Variants in YY1 observed in about 807,000 individuals in gnomAD.
YY1 encodes transcriptional repressor protein YY1.
YY1 carries 2 observed loss-of-function variants against 35.6 expected under a neutral mutation model. The ratio of observed to expected loss-of-function variants is 0.06; its 90% CI spans 0.02 to 0.18. The LOEUF is 0.18. Among genes scored for constraint, YY1 ranks in the 10% least tolerant of loss-of-function variants. The pLI, the probability that YY1 is intolerant of heterozygous loss-of-function variation, is 1.00. For synonymous variants in YY1, 268 were observed against 238.9 expected, an observed-to-expected ratio of 1.12 and a Z score of -1.12; for missense variants, 322 against 573.4, an observed-to-expected ratio of 0.56 and a Z score of 4.48.
At chr14:100,258,634 T>C (rs1891037294) in intron 1 of YY1, among the ~76,000 whole-genome samples, 2 of 152,190 alleles carry the variant, frequency 1.3e-5, no homozygotes, top group African/African-American at 4.8e-5. Flanking sequence ...ATTACAGGCG[T>C]GAGCCACCAC....
At chr14:100,248,685 T>G (rs898474469) in intron 1 of YY1, among the ~76,000 whole-genome samples, 1 of 148,240 alleles carries the variant, frequency 6.7e-6, no homozygotes, top group Non-Finnish European at 1.5e-5. Context: ...AATTCTTTTT[T>G]TTTTTTTTTT....
Position 100,277,616 on chromosome 14 carries a change from C to T in YY1, c.*16C>T. 6.2e-7 allele frequency: 1 copy of T among 1,613,082 alleles called. No homozygotes were observed. Among genetic ancestry groups the T allele is most frequent in the South Asian group, 1.1e-5 (1 of 91,034 alleles). On this transcript the variant is annotated 3_prime_UTR_variant, in exon 5 of 5. Transcript: ENST00000262238. The surrounding 1 kb of genome is among the most constrained non-coding windows in gnomAD (Gnocchi z 5.6). Reference sequence around the variant, plus strand: ...CAACCAGTGAAAAGAAGAGAGAAGACCCTTCTCGACCACGGGAAGCATCTT... The same window carrying T: ...CAACCAGTGAAAAGAAGAGAGAAGATCCTTCTCGACCACGGGAAGCATCTT...
intron 1 of YY1, among the ~76,000 whole-genome samples, chr14:100,258,206 C>T (rs367800222): frequency 9.9e-5 from 15 of 151,984 alleles, no homozygotes; most frequent in Non-Finnish European, 1.8e-4. Flanking sequence ...TTCTGTACCC[C>T]GTGAAAGTTT....
intron 1 of YY1, 150 bp from the exon 2 acceptor site, chr14:100,262,154 C>T: frequency 2.6e-6 from 2 of 773,752 alleles, no homozygotes; most frequent in Non-Finnish European, 2.1e-6. Flanking sequence ...CAGAGTGAGA[C>T]CGTTCTCCAA....
chr14:100,265,557 A>C (rs1891141215), intron 2 of YY1, among the ~76,000 whole-genome samples: 1 of 151,776 alleles, frequency 6.6e-6, no homozygotes, highest in African/African-American at 2.4e-5. Flanking sequence ...CTTCCTAAAA[A>C]CCACCTCAAG....
At chr14:100,241,596 C>G (rs78610745) in intron 1 of YY1, among the ~76,000 whole-genome samples, 2 of 152,110 alleles carry the variant, frequency 1.3e-5, no homozygotes, top group African/African-American at 4.8e-5. Context: ...AACATGAATA[C>G]TTTAGTACTT....
chr14:100,255,110 A>G (rs2139581306), intron 1 of YY1, among the ~76,000 whole-genome samples: 1 of 151,206 alleles, frequency 6.6e-6, no homozygotes, highest in East Asian at 1.9e-4. Context: ...CTATTTTCTT[A>G]TATTTTCTTG....
rs1169295457 is a variant in YY1, at chr14:100,240,542, C to T, written c.679+619C>T. Reference sequence around the variant, plus strand: ...CTTGGCACTCGTGGGCGCCCTCCGGCCTCCTTGCTCCCCGCCCACCCAGCG... The same window carrying T: ...CTTGGCACTCGTGGGCGCCCTCCGGTCTCCTTGCTCCCCGCCCACCCAGCG... On this transcript the variant is annotated intron_variant, in intron 1 of 4. Transcript: ENST00000262238. Among the ~76,000 whole-genome samples, 3 of 152,144 alleles carry T rather than the reference C, an allele frequency of 2.0e-5. No individual in the cohort carries two copies. In the South Asian group the frequency reaches 6.2e-4, roughly 31 times the overall value.
chr14:100,256,753 G>C (rs552438665), intron 1 of YY1, among the ~76,000 whole-genome samples: 2 of 152,228 alleles, frequency 1.3e-5, no homozygotes, highest in East Asian at 3.9e-4. Flanking sequence ...AATATTTTGG[G>C]TATAGATAGT....
intron 3 of YY1, among the ~76,000 whole-genome samples, chr14:100,275,439 G>C (rs1490030666): frequency 3.3e-5 from 5 of 152,160 alleles, no homozygotes; most frequent in African/African-American, 1.2e-4. Flanking sequence ...CCTGTTCTTT[G>C]TCAGCGTTCT....
intron 1 of YY1, among the ~76,000 whole-genome samples, chr14:100,247,300 T>C (rs1890847988): frequency 6.6e-6 from 1 of 152,252 alleles, no homozygotes; most frequent in South Asian, 2.1e-4. Flanking sequence ...ACTCTTGATC[T>C]GCTCAGGTGA....
intron 2 of YY1, 63 bp from the exon 3 acceptor site, chr14:100,274,635 T>A: frequency 7.0e-7 from 1 of 1,425,912 alleles, no homozygotes; most frequent in Non-Finnish European, 9.9e-7. Context: ...GACTATATGA[T>A]TTATGCCAGT....
chr14:100,260,849 G>A (rs1437621825), intron 1 of YY1, among the ~76,000 whole-genome samples: 1 of 123,434 alleles, frequency 8.1e-6, no homozygotes, highest in Non-Finnish European at 1.7e-5. Context: ...TTGCAGTGAC[G>A]CAGTGACGTG....
chr14:100,252,218 T>C (rs1179287139), intron 1 of YY1, among the ~76,000 whole-genome samples: 3 of 152,216 alleles, frequency 2.0e-5, no homozygotes, highest in Non-Finnish European at 2.9e-5. Flanking sequence ...TCCTTAATTA[T>C]ATCTTTTTGA....
rs1673440692 is a variant in YY1 at position 100,239,153 on chromosome 14, C to T, written c.-92C>T. On this transcript the variant is annotated 5_prime_UTR_variant, in exon 1 of 5. Coordinates refer to ENST00000262238, the MANE Select transcript of YY1 (RefSeq NM_003403.5). ...CCCGCTCGCCGCCTTCCTCCCTCTG[C>T]CTTCCTTCCCCACGGCCGGCCGCCT... The T allele has an allele frequency of 2.4e-6, 3 of 1,251,494 alleles. No individual in the cohort carries two copies. Among genetic ancestry groups the T allele is most frequent in the Non-Finnish European group, 3.0e-6 (3 of 996,968 alleles). The allele number at this position is 1,251,494 out of a possible 1,614,324, so 77.5% of individuals were successfully genotyped here. A position where few individuals can be genotyped will look rare whatever the true frequency, so the allele number is the denominator to read the frequency against.
Position 100,239,808 on chromosome 14 carries a change from C to T in YY1, c.564C>T (p.Gly188=). 1.1e-5 allele frequency: 16 copies of T among 1,501,000 alleles called. No individual in the cohort carries two copies. Among genetic ancestry groups the T allele is most frequent in the Admixed American group, 2.4e-5 (1 of 42,204 alleles). The allele number at this position is 1,501,000 out of a possible 1,614,324, so 93.0% of individuals were successfully genotyped here. The part of the protein sequence containing the change: ...KKSGKKSYLS[G]GAGAAGGGGA... ...GCGGCAAGAAGAGTTACCTCAGCGGCGGGGCCGGCGCGGCGGGCGGCGGCG... is the reference window on the plus strand; with the variant it reads ...GCGGCAAGAAGAGTTACCTCAGCGGTGGGGCCGGCGCGGCGGGCGGCGGCG... Residue 188 remains glycine (G), a synonymous_variant, in exon 1 of 5, where the codon GGC becomes GGT. Transcript: ENST00000262238.
In YY1 at chr14:100,266,327, G is replaced by A. The variant is rs978314829; in HGVS notation, c.842+3861G>A. Among the ~76,000 whole-genome samples, 17 of 152,130 alleles carry A rather than the reference G, an allele frequency of 1.1e-4. No homozygotes were observed. In the South Asian group the frequency reaches 1.2e-3, roughly 11 times the overall value. On this transcript the variant is annotated intron_variant, in intron 2 of 4. Transcript: ENST00000262238. ...AAATAGAAGGAGACTCAGGAGGTACGAGAGAGAGGAATAAAACCTCTTTGG... is the reference window on the plus strand; with the variant it reads ...AAATAGAAGGAGACTCAGGAGGTACAAGAGAGAGGAATAAAACCTCTTTGG...
Position 100,276,860 on chromosome 14 carries a change from A to G in YY1, c.1062+212A>G, listed in dbSNP as rs1891326934. The G allele has an allele frequency of 4.8e-6, 3 of 629,512 alleles. No homozygotes were observed. The highest frequency in any genetic ancestry group is 1.9e-5 in the South Asian group (1 of 52,804). 39.0% of individuals were successfully genotyped at this position (629,512 alleles called of 1,614,324 possible). A position where few individuals can be genotyped will look rare whatever the true frequency, so the allele number is the denominator to read the frequency against. ...TATACTCTGTGGTACTGGGTACGCA[A>G]TGTATTGGTGTTGATGGAGTACACT... On this transcript the variant is annotated intron_variant, in intron 4 of 4. Transcript: ENST00000262238. This position sits in a 1 kb window ranked among gnomAD's most constrained non-coding sequence, Gnocchi z 4.1.
chr14:100,272,419 T>A (rs1891254806), intron 2 of YY1, among the ~76,000 whole-genome samples: 1 of 152,196 alleles, frequency 6.6e-6, no homozygotes, highest in African/African-American at 2.4e-5. Context: ...CTGTTGTTCC[T>A]CATATACTCC....
Sources: gnomAD v4.1 joint callset for allele counts (sites outside exome capture counted in the v4.1 genomes callset) on GRCh38, gnomAD v4.1.1 for gene constraint, Gnocchi (gnomAD v3.1) non-coding constraint, MANE v1.5 for transcripts, NCBI Gene and HGNC (gene_info 2026-07-23, HGNC 2026-07-21) for gene names.